ACO2: variants seen among roughly 807,000 people sequenced by gnomAD.
ACO2 encodes aconitate hydratase, mitochondrial.
Under a neutral mutation model 84.5 loss-of-function variants are expected in ACO2, and 31 were observed. The ratio of observed to expected loss-of-function variants is 0.37; its 90% CI spans 0.28 to 0.50. The LOEUF is 0.50. ACO2 is among the 20% of genes least tolerant of loss of function. ACO2 has a pLI of 0.97. For synonymous variants in ACO2, 414 were observed against 412.7 expected, an observed-to-expected ratio of 1.00 and a Z score of -0.04; for missense variants, 685 against 1,029.3, an observed-to-expected ratio of 0.67 and a Z score of 4.58.
At chr22:41,501,098 G>A (rs1460571407) in intron 2 of ACO2, among the ~76,000 whole-genome samples, 1 of 152,076 alleles carries the variant, frequency 6.6e-6, no homozygotes, top group African/African-American at 2.4e-5. Context: ...CAATCTCTTG[G>A]GTTTGAGTGA....
chr22:41,515,592 T>G lies in ACO2; in HGVS notation c.684+57T>G. 1 of 1,580,062 alleles carries G rather than the reference T, an allele frequency of 6.3e-7. No homozygotes were observed. The highest frequency in any genetic ancestry group is 2.2e-5 in the East Asian group (1 of 44,596). ...GCTGTGGGGTGGTGGTTGGTGGGGA[T>G]GAACGGGAGACGGTGGGACCCAGGA... On this transcript the variant is annotated intron_variant, in intron 5 of 17. Coordinates refer to ENST00000216254, the MANE Select transcript of ACO2 (RefSeq NM_001098.3). The surrounding 1 kb of genome is among the most constrained non-coding windows in gnomAD (Gnocchi z 5.8).
At position 41,527,302 on chromosome 22, in the gene ACO2, G is replaced by T; in HGVS notation, c.1968G>T (p.Arg656Ser). ...TTGCCTGACAGAAACATGGCATCAG[G>T]TGGGTGGTGATCGGAGACGAGAACT... ...TARYYKKHGIRWVVIGDENYG... is the reference protein window; with the variant it reads ...TARYYKKHGISWVVIGDENYG... The change falls in exon 16 of 18, where the codon AGG becomes AGT. Residue 656 changes from arginine to serine, a missense_variant. Around this residue, in one of 5 missense-constraint regions of ACO2, gnomAD observed 174 missense variants for 236.6 expected, o/e 0.74. Transcript: ENST00000216254. 1.2e-6 allele frequency: 2 copies of T among 1,614,194 alleles called. No individual in the cohort carries two copies. The highest frequency in any genetic ancestry group is 8.5e-7 in the Non-Finnish European group (1 of 1,180,016).
At chr22:41,479,231 G>A (rs997164022) in intron 1 of ACO2, among the ~76,000 whole-genome samples, 7 of 152,158 alleles carry the variant, frequency 4.6e-5, no homozygotes, top group African/African-American at 1.7e-4. Flanking sequence ...GGTGTGTTTG[G>A]TCCGCCCACA....
At position 41,525,231 on chromosome 22, in the gene ACO2, C is replaced by T; in HGVS notation, c.1644C>T (p.Pro548=). 1 of 1,614,120 alleles carries T rather than the reference C, an allele frequency of 6.2e-7. No individual in the cohort carries two copies. The highest frequency in any genetic ancestry group is 8.5e-7 in the Non-Finnish European group (1 of 1,180,006). The change falls in exon 14 of 18, where the codon CCC becomes CCT. Residue 548 remains proline, a synonymous_variant. Transcript: ENST00000216254. The stretch of plus-strand genomic sequence containing the variant: ...GGCAGGACACCTACCAGCACCCACC[C>T]AAGGACAGCAGCGGGCAGCATGTGG... ...DPGQDTYQHP[P]KDSSGQHVDV...
intron 1 of ACO2, among the ~76,000 whole-genome samples, chr22:41,489,518 C>G (rs1601890336): frequency 1.3e-5 from 2 of 152,344 alleles, no homozygotes; most frequent in East Asian, 3.9e-4. Flanking sequence ...TGCCCCAGCA[C>G]TTTCTTCCCC....
At chr22:41,512,138 A>G (rs1308113666) in intron 4 of ACO2, 170 bp downstream of exon 4, 3 of 532,872 alleles carry the variant, frequency 5.6e-6, no homozygotes, top group Non-Finnish European at 9.8e-6. Flanking sequence ...TCATTATGTC[A>G]TTATACGTGC....
intron 3 of ACO2, among the ~76,000 whole-genome samples, chr22:41,509,895 C>G (rs1230926819): frequency 6.8e-6 from 1 of 146,602 alleles, no homozygotes; most frequent in Non-Finnish European, 1.5e-5. Context: ...TCTCGGCTCA[C>G]TGCAATCTCG....
At chr22:41,502,850 T>G (rs556651847) in intron 2 of ACO2, among the ~76,000 whole-genome samples, 3 of 152,144 alleles carry the variant, frequency 2.0e-5, no homozygotes, top group Non-Finnish European at 4.4e-5. Flanking sequence ...CCTCAAGTGA[T>G]CCACCTGTCT....
At position 41,508,061 on chromosome 22, in the gene ACO2, G is replaced by A; in HGVS notation, c.432+12G>A. 6.2e-7 allele frequency: 1 copy of A among 1,602,514 alleles called. No homozygotes were observed. The highest frequency in any genetic ancestry group is 1.7e-4 in the Middle Eastern group (1 of 6,030). On this transcript the variant is annotated intron_variant, in intron 3 of 17. Transcript: ENST00000216254. ...TGCGCCGGGCCAAGGTGAGCAGAAGGTGGCTTTGGGGGTGGGCAAGTGGGC... is the reference window on the plus strand; with the variant it reads ...TGCGCCGGGCCAAGGTGAGCAGAAGATGGCTTTGGGGGTGGGCAAGTGGGC...
intron 3 of ACO2, among the ~76,000 whole-genome samples, chr22:41,511,104 C>T (rs1169671734): frequency 6.6e-6 from 1 of 152,058 alleles, no homozygotes; most frequent in East Asian, 1.9e-4. Context: ...CTCCTGGGCT[C>T]AAGTGATCTT....
In ACO2 at chr22:41,524,853, C is replaced by T; in HGVS notation, c.1490C>T (p.Thr497Ile). 6.2e-7 allele frequency: 1 copy of T among 1,614,218 alleles called. No individual in the cohort carries two copies. The highest frequency in any genetic ancestry group is 8.5e-7 in the Non-Finnish European group (1 of 1,180,052). ...TGGCCACCTCCATTTCAGATTGTCA[C>T]AGCCCTGGCCATTGCGGGAACCCTC... ...HAFVTSPEIV[T>I]ALAIAGTLKF... The change falls in exon 13 of 18, where the codon ACA becomes ATA. Residue 497 changes from threonine to isoleucine, a missense_variant. By Grantham distance (89) the Thr-to-Ile change is moderately conservative. Around this residue, in one of 5 missense-constraint regions of ACO2, gnomAD observed 311 missense variants for 441.6 expected, o/e 0.70. Transcript: ENST00000216254.
intron 3 of ACO2, among the ~76,000 whole-genome samples, chr22:41,509,905 G>A (rs1407864510): frequency 2.1e-5 from 3 of 140,640 alleles, no homozygotes; most frequent in East Asian, 2.1e-4. Context: ...CTGCAATCTC[G>A]GCTCACTGCA....
chr22:41,508,886 A>T lies in ACO2; in HGVS notation c.432+837A>T, dbSNP rs1006093722. On this transcript the variant is annotated intron_variant, in intron 3 of 17. Transcript: ENST00000216254. ...GCTGGCAGGGCTGCGGCCTGTGGGC[A>T]TGTGATTGAAAGTGCTCCAGCTCCC... Among the ~76,000 whole-genome samples the T allele has an allele frequency of 2.0e-5, 3 of 152,096 alleles. No homozygotes were observed. The East Asian group carries it at 5.8e-4, about 29-fold the overall frequency.
chr22:41,484,871 C>CTTTTTTTT (rs1231320140), intron 1 of ACO2, among the ~76,000 whole-genome samples: 1 of 118,984 alleles, frequency 8.4e-6, no homozygotes. Flanking sequence ...GGAGTCAGCT[C>CTTTTTTTT]TTTTTTTTTT....
chr22:41,493,670 G>A (rs994139361), intron 1 of ACO2, among the ~76,000 whole-genome samples: 2 of 152,114 alleles, frequency 1.3e-5, no homozygotes, highest in African/African-American at 2.4e-5. Flanking sequence ...GGCTGGGTGC[G>A]GTGGCTCATC....
intron 3 of ACO2, among the ~76,000 whole-genome samples, chr22:41,509,814 TC>T (rs1195605633): frequency 3.6e-5 from 3 of 83,934 alleles, no homozygotes; most frequent in Non-Finnish European, 6.6e-5. Flanking sequence ...AAGAATATGG[TC>T]TTTTTTTTTT....
At chr22:41,497,229 C>T (rs1239978292) in intron 1 of ACO2, among the ~76,000 whole-genome samples, 1 of 151,960 alleles carries the variant, frequency 6.6e-6, no homozygotes, top group Non-Finnish European at 1.5e-5. Context: ...CCACCATGCC[C>T]AGCTAATTTT....
At chr22:41,527,736 G>A in intron 16 of ACO2, 165 bp from the exon 17 acceptor site, 1 of 1,174,436 alleles carries the variant, frequency 8.5e-7, no homozygotes, top group South Asian at 1.5e-5. Flanking sequence ...ACTTGCTAGG[G>A]GCACCCCTAG....
chr22:41,526,913 G>A (rs2066610607), intron 15 of ACO2: 2 of 346,788 alleles, frequency 5.8e-6, no homozygotes, highest in Non-Finnish European at 1.1e-5. Flanking sequence ...TGGCTGGGTG[G>A]GGCAGAGGGT....
Sources: allele counts gnomAD v4.1 joint callset (sites outside exome capture counted in the v4.1 genomes callset), GRCh38; gene constraint gnomAD v4.1.1; regional missense constraint gnomAD v4.1.1; non-coding constraint Gnocchi (gnomAD v3.1); transcripts MANE v1.5; gene names NCBI Gene and HGNC (gene_info 2026-07-23, HGNC 2026-07-21).